The following UBAP2L variants were observed in gnomAD, a reference collection of about 807,000 sequenced individuals.
UBAP2L encodes the protein ubiquitin associated protein 2 like.
A neutral mutation model predicts 130.6 loss-of-function variants in UBAP2L; 12 were observed. That is an observed-to-expected ratio of 0.09 (90% CI 0.06 to 0.15). The LOEUF (loss-of-function observed/expected upper bound fraction) is 0.15. UBAP2L is among the 10% of genes least tolerant of loss of function. UBAP2L has a pLI of 1.00. For missense variants in UBAP2L, 965 were observed against 1,332.5 expected (o/e 0.72, Z 4.29); for synonymous variants, 503 against 524.7 (o/e 0.96, Z 0.57).
At chr1:154,251,355 AGG>A in intron 13 of UBAP2L, 37 bp downstream of exon 13, 2 of 1,592,562 alleles carry the variant, frequency 1.3e-6, no homozygotes, top group East Asian at 4.5e-5. Flanking sequence ...TTTTATGGCA[AGG>A]GGTGTGGGGC....
intron 7 of UBAP2L, among the ~76,000 whole-genome samples, 179 bp from the exon 8 acceptor site, chr1:154,236,845 T>TA: frequency 6.6e-6 from 1 of 152,180 alleles, no homozygotes; most frequent in East Asian, 1.9e-4. Flanking sequence ...ATGTTGAGAT[T>TA]ATACCATGAA....
Position 154,255,775 on chromosome 1 carries a change from G to A in UBAP2L, c.2157+20G>A. ...CTTTTGGTAAGTGTGATGCTGAGAGGGATGTGTGGTTTTCTTACACTTAGA... is the reference window on the plus strand; with the variant it reads ...CTTTTGGTAAGTGTGATGCTGAGAGAGATGTGTGGTTTTCTTACACTTAGA... On this transcript the variant is annotated intron_variant, in intron 18 of 26. Transcript: ENST00000428931. 6.2e-7 allele frequency: 1 copy of A among 1,613,132 alleles called. No individual in the cohort carries two copies. The highest frequency in any genetic ancestry group is 1.3e-5 in the African/African-American group (1 of 75,016).
At chr1:154,255,405 C>G in intron 17 of UBAP2L, 79 bp downstream of exon 17, 1 of 1,538,674 alleles carries the variant, frequency 6.5e-7, no homozygotes, top group African/African-American at 1.4e-5. Flanking sequence ...CTCCCTTGAC[C>G]TGGCAGAGAC....
intron 20 of UBAP2L, among the ~76,000 whole-genome samples, chr1:154,258,253 G>A (rs1192760860): frequency 6.6e-6 from 1 of 152,098 alleles, no homozygotes; most frequent in African/African-American, 2.4e-5. Flanking sequence ...TTATATATAG[G>A]CCTGAGCCAC....
intron 23 of UBAP2L, 83 bp downstream of exon 23, chr1:154,261,192 C>A: frequency 7.1e-7 from 1 of 1,416,296 alleles, no homozygotes. Flanking sequence ...GGGTCAATGA[C>A]TTTAATAATG....
chr1:154,248,373 C>T (rs1435963435), intron 11 of UBAP2L, among the ~76,000 whole-genome samples: 1 of 152,122 alleles, frequency 6.6e-6, no homozygotes, highest in Admixed American at 6.6e-5. Flanking sequence ...TTTAACTTTT[C>T]CTTTTTGCCT....
intron 6 of UBAP2L, among the ~76,000 whole-genome samples, chr1:154,235,816 G>A (rs1297078035): frequency 1.3e-5 from 2 of 152,116 alleles, no homozygotes; most frequent in Admixed American, 6.6e-5. Flanking sequence ...GCCCAGGGTG[G>A]TCTCAAACTC....
rs1037064879 is a variant in UBAP2L at position 154,270,442 on chromosome 1, T to A, written c.*147T>A. Reference sequence around the variant, plus strand: ...CCACCCCATGCCTCAGCTTCATGTCTGTCCCATTCCTATACCATCCCCACC... The same window carrying A: ...CCACCCCATGCCTCAGCTTCATGTCAGTCCCATTCCTATACCATCCCCACC... On this transcript the variant is annotated 3_prime_UTR_variant, in exon 27 of 27. Coordinates refer to ENST00000428931, the MANE Select transcript of UBAP2L (RefSeq NM_014847.4). The A allele has an allele frequency of 2.6e-6, 4 of 1,523,056 alleles. No homozygotes were observed. The highest frequency in any genetic ancestry group is 3.5e-6 in the Non-Finnish European group (4 of 1,139,916). The allele number at this position is 1,523,056 out of a possible 1,614,324, so 94.3% of individuals were successfully genotyped here.
chr1:154,245,725 C>T (rs931643203), intron 10 of UBAP2L, among the ~76,000 whole-genome samples: 5 of 151,832 alleles, frequency 3.3e-5, no homozygotes, highest in African/African-American at 1.2e-4. Flanking sequence ...ACCATCCTGG[C>T]TAACACGTGA....
chr1:154,242,561 G>C (rs1207006693), intron 9 of UBAP2L, among the ~76,000 whole-genome samples: 1 of 152,136 alleles, frequency 6.6e-6, no homozygotes, highest in African/African-American at 2.4e-5. Context: ...GTGCTTTAGC[G>C]ATTTTAATCA....
chr1:154,269,989 C>T (rs899818616), intron 26 of UBAP2L, among the ~76,000 whole-genome samples: 4 of 152,110 alleles, frequency 2.6e-5, no homozygotes, highest in Non-Finnish European at 5.9e-5. Context: ...TTGCCCTCTT[C>T]ATCTTTTCCC....
chr1:154,248,184 T>G (rs2148840701), intron 11 of UBAP2L, among the ~76,000 whole-genome samples: 1 of 152,064 alleles, frequency 6.6e-6, no homozygotes, highest in South Asian at 2.1e-4. Flanking sequence ...TCAGGCTGGT[T>G]TAGGACTCCT....
In UBAP2L at chr1:154,260,913, G is replaced by A; in HGVS notation, c.2600G>A (p.Arg867His). ...ACAGGTGACCTCACAAAGTTCGGCCGTGGGGATGCCTCCTCCCCAGCCCCG... is the reference window on the plus strand; with the variant it reads ...ACAGGTGACCTCACAAAGTTCGGCCATGGGGATGCCTCCTCCCCAGCCCCG... ...PYSGDLTKFG[R>H]GDASSPAPAT... The change falls in exon 23 of 27, where the codon CGT becomes CAT. Residue 867 changes from arginine to histidine, a missense_variant. Transcript: ENST00000428931. 1.9e-6 allele frequency: 3 copies of A among 1,614,190 alleles called. No homozygotes were observed. Among genetic ancestry groups the A allele is most frequent in the Non-Finnish European group, 2.5e-6 (3 of 1,180,032 alleles).
At chr1:154,258,843 G>T in intron 20 of UBAP2L, 134 bp from the exon 21 acceptor site, 1 of 669,494 alleles carries the variant, frequency 1.5e-6, no homozygotes, top group South Asian at 1.9e-5. Flanking sequence ...AAATAAAATT[G>T]AAGGAAATAA....
intron 8 of UBAP2L, 47 bp downstream of exon 8, chr1:154,237,183 A>G: frequency 6.5e-7 from 1 of 1,537,328 alleles, no homozygotes; most frequent in Non-Finnish European, 9.0e-7. Context: ...GAATCTAAGG[A>G]AATAGTTTTT....
In UBAP2L at chr1:154,243,289, A is replaced by G; in HGVS notation, c.829A>G (p.Thr277Ala). The G allele has an allele frequency of 6.2e-7, 1 of 1,611,580 alleles. No homozygotes were observed. Among genetic ancestry groups the G allele is most frequent in the Non-Finnish European group, 8.5e-7 (1 of 1,178,078 alleles). The change falls in exon 10 of 27, where the codon ACT (threonine) becomes GCT (alanine). Residue 277 changes from threonine (T) to alanine (A), a missense_variant. Around this residue, in one of 9 missense-constraint regions of UBAP2L, gnomAD observed 99 missense variants for 106.4 expected, o/e 0.93. Transcript: ENST00000428931. Reference sequence around the variant, plus strand: ...TCTGCCTGCGGAGAATGTGACAATCACTGCTGGTCAGAGGCAAGTGTGCAG... The same window carrying G: ...TCTGCCTGCGGAGAATGTGACAATCGCTGCTGGTCAGAGGCAAGTGTGCAG... ...VPLPAENVTI[T>A]AGQRIDLAVL... is the part of the protein sequence containing the mutation.
intron 10 of UBAP2L, among the ~76,000 whole-genome samples, chr1:154,245,335 A>G (rs1228262226): frequency 1.3e-5 from 2 of 152,194 alleles, no homozygotes; most frequent in African/African-American, 4.8e-5. Context: ...ATGAGTAACA[A>G]AGGACACTAT....
intron 12 of UBAP2L, among the ~76,000 whole-genome samples, 169 bp from the exon 13 acceptor site, chr1:154,250,872 T>C (rs1438560442): frequency 2.7e-5 from 4 of 150,374 alleles, no homozygotes; most frequent in Non-Finnish European, 4.4e-5. Flanking sequence ...AAAAAAGATG[T>C]AATCCAGTGA....
rs1366664666 is a variant in UBAP2L, at chr1:154,255,186, T to G, written c.1944T>G (p.Pro648=). The part of the protein sequence containing the change: ...ATGSAVKSDS[P]STSSIPPLNE... ...GCTCTGCAGTGAAATCTGATTCACC[T>G]TCCACTTCTAGCATCCCCCCTCTCA... The change falls in exon 17 of 27, where the codon CCT becomes CCG. Residue 648 remains proline, a synonymous_variant. Coordinates refer to ENST00000428931, the MANE Select transcript of UBAP2L (RefSeq NM_014847.4). 6.2e-7 allele frequency: 1 copy of G among 1,614,116 alleles called. No homozygotes were observed. The highest frequency in any genetic ancestry group is 1.1e-5 in the South Asian group (1 of 91,086).
Sources: allele counts gnomAD v4.1 joint callset (sites outside exome capture counted in the v4.1 genomes callset), GRCh38; gene constraint gnomAD v4.1.1; regional missense constraint gnomAD v4.1.1; transcripts MANE v1.5; gene names NCBI Gene and HGNC (gene_info 2026-07-23, HGNC 2026-07-21).